Variants in CC2D2B observed in about 807,000 individuals in gnomAD.
The protein encoded by CC2D2B is protein CC2D2B.
Under a neutral mutation model 161.2 loss-of-function variants are expected in CC2D2B, and 128 were observed. The observed-to-expected ratio is 0.79, with a 90% CI of 0.69 to 0.92. The LOEUF (loss-of-function observed/expected upper bound fraction) is 0.92. Among genes scored for constraint, CC2D2B ranks in the 40% least tolerant of loss-of-function variants. The pLI is 0.00. For missense variants in CC2D2B, 1,173 were observed against 1,375.1 expected (o/e 0.85, Z 2.32); for synonymous variants, 391 against 449.8 (o/e 0.87, Z 1.65).
At chr10:95,998,350 AT>A (rs1450067193) in intron 24 of CC2D2B, among the ~76,000 whole-genome samples, 1 of 152,174 alleles carries the variant, frequency 6.6e-6, no homozygotes, top group African/African-American at 2.4e-5. Context: ...GTACAGTGAC[AT>A]GTATCTACCA....
intron 11 of CC2D2B, among the ~76,000 whole-genome samples, chr10:95,957,094 C>T (rs1181377434): frequency 6.6e-6 from 1 of 152,098 alleles, no homozygotes; most frequent in Non-Finnish European, 1.5e-5. Context: ...TATCCCCCCA[C>T]CCCTGCCCCT....
At chr10:95,911,096 C>A (rs2098505582) in intron 1 of CC2D2B, among the ~76,000 whole-genome samples, 1 of 152,216 alleles carries the variant, frequency 6.6e-6, no homozygotes, top group South Asian at 2.1e-4. Flanking sequence ...TTACTTCCTT[C>A]TTTTGCACAT....
At chr10:95,986,695 C>T (rs2077743120) in intron 19 of CC2D2B, among the ~76,000 whole-genome samples, 1 of 152,028 alleles carries the variant, frequency 6.6e-6, no homozygotes, top group East Asian at 1.9e-4. Context: ...CTCCTGGGTT[C>T]AAGTGATTCT....
intron 15 of CC2D2B, among the ~76,000 whole-genome samples, chr10:95,971,700 A>T (rs2077138942): frequency 6.6e-6 from 1 of 152,130 alleles, no homozygotes; most frequent in East Asian, 1.9e-4. Flanking sequence ...CCATTTCCTC[A>T]CTTATAAAAT....
intron 25 of CC2D2B, among the ~76,000 whole-genome samples, chr10:96,008,837 AT>A (rs1460080390): frequency 6.6e-6 from 1 of 151,912 alleles, no homozygotes; most frequent in African/African-American, 2.4e-5. Flanking sequence ...TATGTAGTTT[AT>A]CTTTTTATTT....
intron 1 of CC2D2B, among the ~76,000 whole-genome samples, chr10:95,910,782 CT>C (rs1016834399): frequency 6.6e-6 from 1 of 152,100 alleles, no homozygotes; most frequent in African/African-American, 2.4e-5. Context: ...TAATCAGATC[CT>C]TTTTTTTCTT....
chr10:95,982,120 T>G lies in CC2D2B; in HGVS notation c.2082+7T>G. 8.2e-7 allele frequency: 1 copy of G among 1,216,568 alleles called. No homozygotes were observed. The highest frequency in any genetic ancestry group is 1.0e-6 in the Non-Finnish European group (1 of 973,870). 75.4% of individuals were successfully genotyped at this position (1,216,568 alleles called of 1,614,324 possible). ...TTTAATGGAATCTGTTACGGTAAGTTAAAGCAAATATCAATACTGTAAACA... is the reference window on the plus strand; with the variant it reads ...TTTAATGGAATCTGTTACGGTAAGTGAAAGCAAATATCAATACTGTAAACA... On this transcript the variant is annotated splice_region_variant and intron_variant, in intron 18 of 34. Transcript: ENST00000646931.
chr10:95,927,437 T>C, intron 6 of CC2D2B, 105 bp downstream of exon 6: 1 of 659,876 alleles, frequency 1.5e-6, no homozygotes, highest in Non-Finnish European at 2.7e-6. Context: ...AGTTTTATTA[T>C]TGTGCCTTCA....
chr10:95,923,796 C>A (rs2098532789), intron 3 of CC2D2B, among the ~76,000 whole-genome samples: 1 of 152,108 alleles, frequency 6.6e-6, no homozygotes. Flanking sequence ...GGGTGGATCA[C>A]CTGAGGTCAG....
At chr10:95,931,177 G>T (rs2098549434) in intron 6 of CC2D2B, among the ~76,000 whole-genome samples, 1 of 152,174 alleles carries the variant, frequency 6.6e-6, no homozygotes, top group African/African-American at 2.4e-5. Flanking sequence ...TTGTGTAGAG[G>T]TGTTAATAGC....
rs917321742 is a variant in CC2D2B at position 95,927,222 on chromosome 10, A to G, written c.241-15A>G. The G allele has an allele frequency of 2.1e-6, 3 of 1,430,384 alleles. No homozygotes were observed. Among genetic ancestry groups the G allele is most frequent in the Admixed American group, 4.1e-5 (2 of 49,314 alleles). The allele number at this position is 1,430,384 out of a possible 1,614,324, so 88.6% of individuals were successfully genotyped here. ...AAAAGTGTTTATTTCAACACTAAATACTGGTTTATCATAGTTGTCTCCACA... is the reference window on the plus strand; with the variant it reads ...AAAAGTGTTTATTTCAACACTAAATGCTGGTTTATCATAGTTGTCTCCACA... On this transcript the variant is annotated splice_polypyrimidine_tract_variant and intron_variant, in intron 5 of 34. Transcript: ENST00000646931.
intron 6 of CC2D2B, among the ~76,000 whole-genome samples, chr10:95,933,611 T>G (rs1455538365): frequency 6.6e-6 from 1 of 152,168 alleles, no homozygotes; most frequent in Non-Finnish European, 1.5e-5. Flanking sequence ...TTCCTTTCTG[T>G]TTGTTAGTTT....
intron 33 of CC2D2B, among the ~76,000 whole-genome samples, chr10:96,025,936 T>C (rs978740528): frequency 1.3e-5 from 2 of 152,182 alleles, no homozygotes; most frequent in African/African-American, 2.4e-5. Flanking sequence ...TTCTTACTCC[T>C]CATTTCCCAG....
At chr10:95,994,267 C>T (rs1342779144) in intron 22 of CC2D2B, among the ~76,000 whole-genome samples, 1 of 151,772 alleles carries the variant, frequency 6.6e-6, no homozygotes, top group Non-Finnish European at 1.5e-5. Context: ...GGACAGGGGG[C>T]CCTTCCCTTT....
intron 32 of CC2D2B, among the ~76,000 whole-genome samples, chr10:96,023,494 CTT>C (rs1355689146): frequency 2.0e-5 from 3 of 152,212 alleles, no homozygotes; most frequent in Non-Finnish European, 2.9e-5. Context: ...ACACCATAAA[CTT>C]CTCAAGTCAG....
chr10:95,996,261 G>A lies in CC2D2B; in HGVS notation c.2849+9G>A. 2.3e-6 allele frequency: 3 copies of A among 1,280,106 alleles called. No individual in the cohort carries two copies. The highest frequency in any genetic ancestry group is 3.2e-6 in the Non-Finnish European group (3 of 944,754). The allele number at this position is 1,280,106 out of a possible 1,614,324, so 79.3% of individuals were successfully genotyped here. A position where few individuals can be genotyped will look rare whatever the true frequency, so the allele number is the denominator to read the frequency against. On this transcript the variant is annotated intron_variant, in intron 24 of 34. Transcript: ENST00000646931. Reference sequence around the variant, plus strand: ...ATTAAAGTAGATTTTGTGTAAGTTGGAGTTCATTTTTCCATAGCTCCTAAA... The same window carrying A: ...ATTAAAGTAGATTTTGTGTAAGTTGAAGTTCATTTTTCCATAGCTCCTAAA...
At chr10:95,955,271 C>A (rs2076534174) in intron 10 of CC2D2B, 123 bp from the exon 11 acceptor site, 1 of 392,786 alleles carries the variant, frequency 2.5e-6, no homozygotes, top group South Asian at 1.4e-4. Flanking sequence ...GAAGATAAGC[C>A]AATAATACAC....
rs1026602123 is a variant in CC2D2B at position 95,914,044 on chromosome 10, A to G, written c.36+2685A>G. 2.0e-5 allele frequency among the ~76,000 whole-genome samples: 3 copies of G among 152,232 alleles called. No homozygotes were observed. The East Asian group carries it at 5.8e-4, about 29-fold the overall frequency. On this transcript the variant is annotated intron_variant, in intron 2 of 34. Coordinates refer to ENST00000646931, the MANE Select transcript of CC2D2B (RefSeq NM_001349008.3). ...ACTTAAGAAATCTTTGCCCAGACCA[A>G]TGTCCTGGAGAGTTTCCCCAATTTT...
At chr10:96,025,153 AAATATATAT>A (rs2079644482) in intron 33 of CC2D2B, among the ~76,000 whole-genome samples, 6 of 23,408 alleles carry the variant, frequency 2.6e-4, no homozygotes, top group South Asian at 1.4e-3. Context: ...TACTAAAAAA[AAATATATAT>A]ATATATATAT....
Sources: allele counts gnomAD v4.1 joint callset (sites outside exome capture counted in the v4.1 genomes callset), GRCh38; gene constraint gnomAD v4.1.1; transcripts MANE v1.5; gene names NCBI Gene and HGNC (gene_info 2026-07-23, HGNC 2026-07-21).